Variants in SEMA3E observed in about 807,000 individuals in gnomAD.
The protein encoded by SEMA3E is semaphorin 3E.
SEMA3E carries 49 observed loss-of-function variants against 93.6 expected under a neutral mutation model. The observed-to-expected ratio is 0.52, with a 90% CI of 0.42 to 0.66. The LOEUF is 0.66. SEMA3E is among the 30% of genes least tolerant of loss of function. The pLI, the probability that SEMA3E is intolerant of heterozygous loss-of-function variation, is 0.00. For synonymous variants in SEMA3E, 363 were observed against 330.7 expected, an observed-to-expected ratio of 1.10 and a Z score of -1.06; for missense variants, 906 against 964.8, an observed-to-expected ratio of 0.94 and a Z score of 0.81.
chr7:83,384,759 G>A lies in SEMA3E; in HGVS notation c.1875+535C>T, dbSNP rs909465062. ...CCCATCATTTAGATGATGAAAGAGC[G>A]GGGTCTTTCCTTTGTTCCCAGCGGT... is the stretch of plus-strand genomic sequence containing the variant. On this transcript the variant is annotated intron_variant, in intron 16 of 16. Transcript: ENST00000643230. 3.3e-5 allele frequency among the ~76,000 whole-genome samples: 5 copies of A among 151,960 alleles called. No homozygotes were observed. In the East Asian group the frequency reaches 5.8e-4, roughly 18 times the overall value.
chr7:83,570,379 C>A (rs1319569401), intron 1 of SEMA3E, among the ~76,000 whole-genome samples: 2 of 149,274 alleles, frequency 1.3e-5, no homozygotes, highest in Non-Finnish European at 3.0e-5. Flanking sequence ...CGGTGAAACC[C>A]CGTCTCTACT....
intron 4 of SEMA3E, among the ~76,000 whole-genome samples, chr7:83,460,925 A>C (rs892631361): frequency 6.6e-6 from 1 of 151,598 alleles, no homozygotes; most frequent in Non-Finnish European, 1.5e-5. Context: ...CACTATAGGC[A>C]AGCTTCCACC....
chr7:83,572,871 T>G (rs1283931182), intron 1 of SEMA3E, among the ~76,000 whole-genome samples: 2 of 151,710 alleles, frequency 1.3e-5, no homozygotes, highest in East Asian at 3.9e-4. Context: ...AAGAATTAAC[T>G]CAAGATAGAT....
intron 16 of SEMA3E, among the ~76,000 whole-genome samples, chr7:83,380,944 G>T (rs1395164125): frequency 6.6e-6 from 1 of 151,910 alleles, no homozygotes; most frequent in Non-Finnish European, 1.5e-5. Flanking sequence ...GCTACAATGT[G>T]TATGAGGCAA....
chr7:83,572,285 A>C (rs1160373531), intron 1 of SEMA3E, among the ~76,000 whole-genome samples: 3 of 152,198 alleles, frequency 2.0e-5, no homozygotes, highest in Non-Finnish European at 4.4e-5. Context: ...CAAAGCAAAA[A>C]GAAGAAAGCT....
intron 5 of SEMA3E, among the ~76,000 whole-genome samples, chr7:83,413,276 A>G (rs2115675070): frequency 6.6e-6 from 1 of 151,786 alleles, no homozygotes. Context: ...GTATAACAAG[A>G]AAAATTCACA....
chr7:83,376,102 C>T (rs551411694), intron 16 of SEMA3E, among the ~76,000 whole-genome samples: 9 of 152,042 alleles, frequency 5.9e-5, no homozygotes, highest in East Asian at 3.9e-4. Flanking sequence ...GCCAAAACTA[C>T]GAAACAGATG....
intron 2 of SEMA3E, among the ~76,000 whole-genome samples, chr7:83,479,155 T>C (rs115217513): frequency 0.012 from 1,760 of 152,288 alleles, 32 homozygotes; most frequent in African/African-American, 0.04. Context: ...CCCATCTATT[T>C]ACTTCAGCCG....
At chr7:83,469,214 T>C (rs1302056073) in intron 3 of SEMA3E, 29 bp downstream of exon 3, 1 of 1,544,166 alleles carries the variant, frequency 6.5e-7, no homozygotes, top group Non-Finnish European at 9.0e-7. Context: ...AATTGATGAT[T>C]TGTTTAATTT....
chr7:83,495,694 C>T (rs2713192), intron 1 of SEMA3E, among the ~76,000 whole-genome samples: 49,145 of 151,526 alleles, frequency 0.32, 9,697 homozygotes, highest in East Asian at 0.45. Context: ...ACATCAAAGA[C>T]GCAAAAAGTG....
chr7:83,601,461 G>A (rs1266432013), intron 1 of SEMA3E, among the ~76,000 whole-genome samples: 3 of 151,700 alleles, frequency 2.0e-5, no homozygotes, highest in Admixed American at 6.6e-5. Context: ...TTACACTGGA[G>A]AATGCACACA....
At chr7:83,465,682 C>T (rs577170509) in intron 4 of SEMA3E, among the ~76,000 whole-genome samples, 7 of 152,182 alleles carry the variant, frequency 4.6e-5, no homozygotes, top group African/African-American at 9.6e-5. Context: ...TTATCTGTGC[C>T]TTGTCTTAAT....
At chr7:83,544,631 A>T (rs1015031698) in intron 1 of SEMA3E, among the ~76,000 whole-genome samples, 6 of 152,260 alleles carry the variant, frequency 3.9e-5, no homozygotes, top group Non-Finnish European at 8.8e-5. Context: ...TAATATTTTC[A>T]TTTTATTTAT....
intron 11 of SEMA3E, among the ~76,000 whole-genome samples, chr7:83,398,322 A>G (rs1232995083): frequency 1.3e-5 from 2 of 152,186 alleles, no homozygotes; most frequent in African/African-American, 4.8e-5. Flanking sequence ...AGGTTGGTGC[A>G]AATTTATTGC....
Position 83,490,141 on chromosome 7 carries a change from C to T in SEMA3E, c.249G>A (p.Leu83=). The change falls in exon 2 of 17, where the codon TTG becomes TTA. Residue 83 remains leucine (L), a synonymous_variant. Transcript: ENST00000643230. ...CTTTATAGCCGTCACTGATTCTCTC[C>T]AAGCTGAGGGAATATACAAGGTCCC... ...GGRDLVYSLS[L]ERISDGYKEI... 5 of 1,612,828 alleles carry T rather than the reference C, an allele frequency of 3.1e-6. No individual in the cohort carries two copies. The highest frequency in any genetic ancestry group is 4.2e-6 in the Non-Finnish European group (5 of 1,179,298).
At chr7:83,374,052 C>T (rs905203333) in intron 16 of SEMA3E, among the ~76,000 whole-genome samples, 2 of 151,448 alleles carry the variant, frequency 1.3e-5, no homozygotes, top group African/African-American at 4.8e-5. Context: ...ACTAAAAATA[C>T]AAAATTAGCC....
intron 1 of SEMA3E, among the ~76,000 whole-genome samples, chr7:83,636,948 A>T (rs563181752): frequency 2.0e-5 from 3 of 152,092 alleles, no homozygotes; most frequent in Non-Finnish European, 4.4e-5. Flanking sequence ...ACCCTACTTT[A>T]TTACGACCTG....
chr7:83,406,762 T>C (rs954012279), intron 7 of SEMA3E, among the ~76,000 whole-genome samples: 1 of 152,084 alleles, frequency 6.6e-6, no homozygotes, highest in Non-Finnish European at 1.5e-5. Context: ...ATGTATATTA[T>C]TTGTACTGTG....
intron 1 of SEMA3E, among the ~76,000 whole-genome samples, chr7:83,544,520 C>G (rs1377206061): frequency 6.6e-6 from 1 of 152,142 alleles, no homozygotes; most frequent in East Asian, 1.9e-4. Context: ...CCGGTTAGCA[C>G]AGTGCCAGAC....
Sources: allele counts gnomAD v4.1 joint callset (sites outside exome capture counted in the v4.1 genomes callset), GRCh38; gene constraint gnomAD v4.1.1; transcripts MANE v1.5; gene names NCBI Gene and HGNC (gene_info 2026-07-23, HGNC 2026-07-21).